Variants in HYDIN observed in about 807,000 individuals in gnomAD.
The protein encoded by HYDIN is axonemal central pair apparatus protein HYDIN.
Under a neutral mutation model 403.9 loss-of-function variants are expected in HYDIN, and 132 were observed. The observed-to-expected ratio is 0.33, with a 90% CI of 0.28 to 0.38. The LOEUF (loss-of-function observed/expected upper bound fraction) is 0.38, where lower values mean the gene tolerates loss of function less well. HYDIN is among the 10% of genes least tolerant of loss of function. HYDIN has a pLI of 1.00. For missense variants in HYDIN, 2,827 were observed against 5,009.5 expected (o/e 0.56, Z 13.15); for synonymous variants, 1,202 against 1,891.7 (o/e 0.64, Z 9.46).
chr16:71,196,277 T>G (rs898429463), intron 1 of HYDIN, among the ~76,000 whole-genome samples: 1 of 152,202 alleles, frequency 6.6e-6, no homozygotes, highest in African/African-American at 2.4e-5. Context: ...TGGAAGAGAT[T>G]AGCATTTGAA....
intron 18 of HYDIN, among the ~76,000 whole-genome samples, chr16:71,039,636 T>C (rs1355865977): frequency 6.6e-6 from 1 of 152,146 alleles, no homozygotes. Context: ...TTTGATGGCA[T>C]AACTTCAGAG....
chr16:70,994,150 T>C, intron 23 of HYDIN, among the ~76,000 whole-genome samples: 1 of 152,136 alleles, frequency 6.6e-6, no homozygotes, highest in East Asian at 1.9e-4. Flanking sequence ...CTGGGCTTAT[T>C]ACTGTATGGA....
chr16:71,205,910 C>T (rs1344831009), intron 1 of HYDIN, among the ~76,000 whole-genome samples: 3 of 152,200 alleles, frequency 2.0e-5, no homozygotes, highest in African/African-American at 7.2e-5. Context: ...TCCTGTTGTC[C>T]TGGAGAGCAG....
At chr16:71,006,770 T>C (rs1412850318) in intron 23 of HYDIN, among the ~76,000 whole-genome samples, 1 of 152,004 alleles carries the variant, frequency 6.6e-6, no homozygotes, top group African/African-American at 2.4e-5. Flanking sequence ...GGACTGATCA[T>C]CTAGCCCGCC....
At chr16:71,049,515 T>A (rs997617920) in intron 18 of HYDIN, among the ~76,000 whole-genome samples, 3 of 152,138 alleles carry the variant, frequency 2.0e-5, no homozygotes, top group Non-Finnish European at 1.5e-5. Flanking sequence ...AATGTAAAAA[T>A]GCTAGAAAAG....
intron 42 of HYDIN, among the ~76,000 whole-genome samples, chr16:70,943,049 A>C (rs1345441937): frequency 6.6e-6 from 1 of 152,192 alleles, no homozygotes; most frequent in Non-Finnish European, 1.5e-5. Context: ...GTTGTATTTA[A>C]ATCTGCAATT....
At chr16:71,021,194 T>TGTTA (rs765619013) in intron 21 of HYDIN, among the ~76,000 whole-genome samples, 3 of 151,934 alleles carry the variant, frequency 2.0e-5, no homozygotes, top group Non-Finnish European at 4.4e-5. Flanking sequence ...CTTTTTACTC[T>TGTTA]GTTAGATACA....
intron 52 of HYDIN, among the ~76,000 whole-genome samples, chr16:70,902,794 AATATAT>A (rs1264288990): frequency 9.8e-5 from 6 of 61,150 alleles, no homozygotes; most frequent in Non-Finnish European, 1.4e-4. Context: ...CTACTCTTTA[AATATAT>A]ATATATATAT....
intron 18 of HYDIN, among the ~76,000 whole-genome samples, chr16:71,051,110 T>C (rs2081620701): frequency 6.6e-6 from 1 of 150,722 alleles, no homozygotes; most frequent in African/African-American, 2.4e-5. Flanking sequence ...CATACTCAAA[T>C]AATAGTATAT....
At position 70,829,627 on chromosome 16, in the gene HYDIN, G is replaced by A; in HGVS notation, c.14103C>T (p.Arg4701=). The change falls in exon 81 of 86, where the codon CGC becomes CGT. Residue 4701 remains arginine (R), a synonymous_variant. Coordinates refer to ENST00000393567, the MANE Select transcript of HYDIN (RefSeq NM_001270974.2). ...GGGGACCTCAGTCTACCTGGTGCTT[G>A]CGGTTCTCCAAGTTCATGGTGCGGG... ...YRPRTMNLEN[R]KHQGTLFFPL... is the part of the protein sequence containing the mutation. 6.2e-7 allele frequency: 1 copy of A among 1,612,970 alleles called. No individual in the cohort carries two copies. Among genetic ancestry groups the A allele is most frequent in the Non-Finnish European group, 8.5e-7 (1 of 1,179,660 alleles).
At chr16:71,067,036 G>T in intron 15 of HYDIN, 1 of 645,952 alleles carries the variant, frequency 1.5e-6, no homozygotes, top group Non-Finnish European at 2.8e-6. Context: ...GAGAGGGTCT[G>T]ACCCGTTTTT....
intron 10 of HYDIN, among the ~76,000 whole-genome samples, chr16:71,114,859 A>T (rs1230575086): frequency 2.5e-5 from 2 of 81,616 alleles, no homozygotes; most frequent in African/African-American, 1.0e-4. Flanking sequence ...GTATGTATCA[A>T]ATCTCCTGAT....
intron 1 of HYDIN, among the ~76,000 whole-genome samples, chr16:71,216,630 T>C (rs925705127): frequency 2.0e-5 from 3 of 152,228 alleles, no homozygotes; most frequent in Non-Finnish European, 2.9e-5. Context: ...TACATTTACG[T>C]GTATGTTCTA....
intron 45 of HYDIN, among the ~76,000 whole-genome samples, chr16:70,928,272 G>A (rs2077212891): frequency 6.6e-6 from 1 of 152,220 alleles, no homozygotes; most frequent in Non-Finnish European, 1.5e-5. Context: ...AGAACAGCTT[G>A]GGCAACATGG....
chr16:70,946,692 C>T (rs2077873345), intron 41 of HYDIN, among the ~76,000 whole-genome samples: 1 of 152,038 alleles, frequency 6.6e-6, no homozygotes, highest in Admixed American at 6.5e-5. Context: ...CAGAGTTAGT[C>T]ATCTGTAAAG....
At chr16:70,848,065 C>T (rs1199533501) in intron 75 of HYDIN, among the ~76,000 whole-genome samples, 1 of 141,392 alleles carries the variant, frequency 7.1e-6, no homozygotes. Flanking sequence ...CAATTTTATC[C>T]CATCTGCCAC....
intron 3 of HYDIN, among the ~76,000 whole-genome samples, chr16:71,181,580 T>C (rs2086907043): frequency 6.6e-6 from 1 of 152,134 alleles, no homozygotes; most frequent in Admixed American, 6.6e-5. Flanking sequence ...TTCTGGCTAA[T>C]TGAATTTCTG....
chr16:70,890,894 C>T lies in HYDIN; in HGVS notation c.9656+752G>A, dbSNP rs551151343. ...GCATCACCGCACTTCCTCTCTTCCA[C>T]GCTTCCAGAGCAGCCCCACCATGAA... On this transcript the variant is annotated intron_variant, in intron 57 of 85. Coordinates refer to ENST00000393567, the MANE Select transcript of HYDIN (RefSeq NM_001270974.2). Among the ~76,000 whole-genome samples, 5 of 151,632 alleles carry T rather than the reference C, an allele frequency of 3.3e-5. No homozygotes were observed. In the East Asian group the frequency reaches 9.7e-4, roughly 29 times the overall value.
At chr16:71,062,391 T>C (rs1597681421) in intron 16 of HYDIN, 58 bp from the exon 17 acceptor site, 1 of 1,409,080 alleles carries the variant, frequency 7.1e-7, no homozygotes, top group African/African-American at 1.4e-5. Flanking sequence ...AATAGCGTAT[T>C]TGCTTATTTT....
Sources: gnomAD v4.1 joint callset for allele counts (sites outside exome capture counted in the v4.1 genomes callset) on GRCh38, gnomAD v4.1.1 for gene constraint, MANE v1.5 for transcripts, NCBI Gene and HGNC (gene_info 2026-07-23, HGNC 2026-07-21) for gene names.